Variants in STIL observed in about 807,000 individuals in gnomAD.
STIL encodes the protein SCL-interrupting locus protein.
A neutral mutation model predicts 110.1 loss-of-function variants in STIL; 55 were observed. The observed-to-expected ratio is 0.50, with a 90% CI of 0.40 to 0.63. The LOEUF (loss-of-function observed/expected upper bound fraction) is 0.63. Among genes scored for constraint, STIL ranks in the 20% least tolerant of loss-of-function variants. STIL has a pLI of 0.00. For synonymous variants in STIL, 481 were observed against 530.0 expected, an observed-to-expected ratio of 0.91 and a Z score of 1.27; for missense variants, 1,358 against 1,530.0, an observed-to-expected ratio of 0.89 and a Z score of 1.87.
chr1:47,299,296 A>G (rs1206158952), intron 6 of STIL, among the ~76,000 whole-genome samples: 1 of 151,596 alleles, frequency 6.6e-6, no homozygotes, highest in East Asian at 2.0e-4. Flanking sequence ...ACAGTGAGCC[A>G]AGATCCCACC....
chr1:47,285,490 C>G (rs1311959699), intron 10 of STIL, among the ~76,000 whole-genome samples: 1 of 152,168 alleles, frequency 6.6e-6, no homozygotes, highest in Admixed American at 6.5e-5. Flanking sequence ...TGGAGTCTCA[C>G]TGTATCACCC....
intron 10 of STIL, among the ~76,000 whole-genome samples, chr1:47,284,423 A>G (rs1478819126): frequency 6.6e-6 from 1 of 152,166 alleles, no homozygotes. Context: ...TTGGCATAGC[A>G]TGATCATGGC....
At chr1:47,275,076 T>C (rs2742101) in intron 12 of STIL, among the ~76,000 whole-genome samples, 136,198 of 151,880 alleles carry the variant, frequency 0.9, 61,345 homozygotes, top group Middle Eastern at 0.96. Flanking sequence ...CACTTGCACC[T>C]GGAAGGCAGA....
chr1:47,279,639 A>G (rs1645093757), intron 12 of STIL, among the ~76,000 whole-genome samples: 1 of 150,174 alleles, frequency 6.7e-6, no homozygotes, highest in African/African-American at 2.5e-5. Flanking sequence ...TGAGGCAGGA[A>G]GATCACTTGA....
At position 47,301,694 on chromosome 1, in the gene STIL, G is replaced by C; in HGVS notation, c.320C>G (p.Pro107Arg). Reference sequence around the variant, plus strand: ...AGTAGGGGTTATTTCTAGGCATTCAGGTACTTCTCGACCAGGATCAAAGCG... The same window carrying C: ...AGTAGGGGTTATTTCTAGGCATTCACGTACTTCTCGACCAGGATCAAAGCG... ...VDRFDPGREV[P>R]ECLEITPTAS... The change falls in exon 5 of 17, where the codon CCT becomes CGT. Residue 107 changes from proline (P) to arginine (R), a missense_variant. Coordinates refer to ENST00000371877, the MANE Select transcript of STIL (RefSeq NM_001048166.1). The C allele has an allele frequency of 6.2e-7, 1 of 1,613,942 alleles. No individual in the cohort carries two copies. Among genetic ancestry groups the C allele is most frequent in the Non-Finnish European group, 8.5e-7 (1 of 1,179,994 alleles).
At position 47,251,365 on chromosome 1, in the gene STIL, G is replaced by GT. The variant is rs1225063106; in HGVS notation, c.3637dup (p.Thr1213AsnfsTer2). 3.1e-6 allele frequency: 5 copies of GT among 1,614,086 alleles called. No individual in the cohort carries two copies. The highest frequency in any genetic ancestry group is 3.4e-6 in the Non-Finnish European group (4 of 1,180,046). ...CTTTACTAAGAAAGCTGGCTTTTCAGTCAACTGCTGTTTTGCTTTTGTCTG... is the reference window on the plus strand; with the variant it reads ...CTTTACTAAGAAAGCTGGCTTTTCAGTTCAACTGCTGTTTTGCTTTTGTCTG... On this transcript the variant is annotated frameshift_variant, in exon 17 of 17. Coordinates refer to ENST00000371877, the MANE Select transcript of STIL (RefSeq NM_001048166.1). LOFTEE classifies it high-confidence loss of function.
At chr1:47,268,784 TAAA>T (rs59371522) in intron 14 of STIL, among the ~76,000 whole-genome samples, 12,524 of 150,566 alleles carry the variant, frequency 0.083, 588 homozygotes, top group Non-Finnish European at 0.1. Context: ...AATAAATAAA[TAAA>T]TAAATTAAAT....
At chr1:47,261,322 AG>A (rs1250190826) in intron 15 of STIL, among the ~76,000 whole-genome samples, 2 of 151,864 alleles carry the variant, frequency 1.3e-5, no homozygotes, top group Admixed American at 1.3e-4. Context: ...CAGAAGGCCC[AG>A]GTTGCAGAGA....
Position 47,250,749 on chromosome 1 carries a change from CAG to C in STIL, c.*385_*386del, listed in dbSNP as rs1392496548. 5.4e-6 allele frequency: 1 copy of C among 183,960 alleles called. No individual in the cohort carries two copies. The highest frequency in any genetic ancestry group is 2.4e-5 in the African/African-American group (1 of 42,506). 11.4% of individuals were successfully genotyped at this position (183,960 alleles called of 1,614,324 possible). ...AGGAAAATCGCTTGAACCCAGGAGG[CAG>C]AGGTTGCAGTGATCTGAGATCCTGC... On this transcript the variant is annotated 3_prime_UTR_variant, in exon 17 of 17. Transcript: ENST00000371877.
At chr1:47,299,549 C>T (rs1384621617) in intron 6 of STIL, among the ~76,000 whole-genome samples, 4 of 151,854 alleles carry the variant, frequency 2.6e-5, no homozygotes, top group Non-Finnish European at 4.4e-5. Context: ...TGCACCACCA[C>T]GCTCAGCTAA....
Position 47,280,593 on chromosome 1 carries a change from C to T in STIL, c.1865G>A (p.Gly622Glu), listed in dbSNP as rs1226769182. 6.2e-7 allele frequency: 1 copy of T among 1,614,176 alleles called. No individual in the cohort carries two copies. The highest frequency in any genetic ancestry group is 1.7e-5 in the Admixed American group (1 of 60,020). ...IQYSPLNSWQGANTVGSIQDV... is the reference protein window; with the variant it reads ...IQYSPLNSWQEANTVGSIQDV... ...TTGAATGGATCCAACTGTGTTTGCT[C>T]CTTGCCAAGAATTTAGCGGACTATA... Residue 622 changes from glycine to glutamate, a missense_variant, in exon 12 of 17, where the codon GGA (glycine) becomes GAA (glutamate). Physicochemically the swap from Gly to Glu is moderately conservative, Grantham distance 98 (BLOSUM62 -2). Transcript: ENST00000371877.
At chr1:47,260,687 C>T (rs1057314040) in intron 15 of STIL, 148 bp from the exon 16 acceptor site, 1 of 808,286 alleles carries the variant, frequency 1.2e-6, no homozygotes, top group African/African-American at 1.7e-5. Context: ...CTGGGCAACA[C>T]AGCGAGATCC....
At chr1:47,302,474 TC>T in intron 3 of STIL, 128 bp from the exon 4 acceptor site, 1 of 800,322 alleles carries the variant, frequency 1.2e-6, no homozygotes, top group East Asian at 2.7e-5. Flanking sequence ...TGTCAGGAAA[TC>T]CCAGGGTCAA....
rs1280236640 is a variant in STIL, at chr1:47,280,725, G to A, written c.1733C>T (p.Pro578Leu). The change falls in exon 12 of 17, where the codon CCC becomes CTC. Residue 578 changes from proline to leucine, a missense_variant. By Grantham distance (98) the Pro-to-Leu change is moderately conservative. Transcript: ENST00000371877. The stretch of plus-strand genomic sequence containing the variant: ...TTCCATTGGTCTTCCTGAATTATGG[G>A]GTGAAAAAACAAAATCGTGTGGTTG... Reference protein sequence around the residue: ...QSQPHDFVFSPHNSGRPMELQ... With the variant: ...QSQPHDFVFSLHNSGRPMELQ... 1.9e-6 allele frequency: 3 copies of A among 1,613,998 alleles called. No individual in the cohort carries two copies. Among genetic ancestry groups the A allele is most frequent in the Admixed American group, 1.7e-5 (1 of 59,992 alleles).
intron 12 of STIL, among the ~76,000 whole-genome samples, chr1:47,276,544 A>G (rs1048236758): frequency 6.6e-6 from 1 of 151,964 alleles, no homozygotes; most frequent in African/African-American, 2.4e-5. Context: ...ATGGTGGCTC[A>G]CACCTGTAAT....
At chr1:47,288,349 T>A (rs1360695808) in intron 9 of STIL, among the ~76,000 whole-genome samples, 2 of 151,790 alleles carry the variant, frequency 1.3e-5, no homozygotes, top group Admixed American at 1.3e-4. Context: ...CAGGCTAGAG[T>A]GCAGCGGCAC....
intron 8 of STIL, among the ~76,000 whole-genome samples, chr1:47,292,145 C>T (rs1165653237): frequency 6.6e-6 from 1 of 151,800 alleles, no homozygotes; most frequent in East Asian, 1.9e-4. Context: ...GCTGGGATTA[C>T]AGACATAAGA....
Position 47,301,157 on chromosome 1 carries a change from C to T in STIL, c.453+404G>A, listed in dbSNP as rs777867547. On this transcript the variant is annotated intron_variant, in intron 5 of 16. Coordinates refer to ENST00000371877, the MANE Select transcript of STIL (RefSeq NM_001048166.1). ...AGGCTGGAGTGCAGTGGTGTGATCA[C>T]GGCTCAACCTCCCGGGCTCAAGCAA... 5.3e-5 allele frequency among the ~76,000 whole-genome samples: 8 copies of T among 152,068 alleles called. No individual in the cohort carries two copies. In the East Asian group the frequency reaches 5.8e-4, roughly 11 times the overall value.
At chr1:47,289,804 T>C (rs1645423820) in intron 8 of STIL, among the ~76,000 whole-genome samples, 1 of 151,912 alleles carries the variant, frequency 6.6e-6, no homozygotes, top group South Asian at 2.1e-4. Context: ...ACCCTTCCTC[T>C]CTACAAAACA....
Sources: gnomAD v4.1 joint callset for allele counts (sites outside exome capture counted in the v4.1 genomes callset) on GRCh38, gnomAD v4.1.1 for gene constraint, MANE v1.5 for transcripts, NCBI Gene and HGNC (gene_info 2026-07-23, HGNC 2026-07-21) for gene names.